Variants in ELSPBP1 observed in about 807,000 individuals in gnomAD.
The protein encoded by ELSPBP1 is epididymal sperm-binding protein 1.
A neutral mutation model predicts 33.3 loss-of-function variants in ELSPBP1; 38 were observed. That is an observed-to-expected ratio of 1.14 (90% CI 0.88 to 1.50). The LOEUF (loss-of-function observed/expected upper bound fraction) is 1.50, where lower values mean the gene tolerates loss of function less well. Among genes scored for constraint, ELSPBP1 ranks in the 40% most tolerant of loss-of-function variants. The pLI, the probability that ELSPBP1 is intolerant of heterozygous loss-of-function variation, is 0.00. For missense variants in ELSPBP1, 267 were observed against 263.5 expected, an observed-to-expected ratio of 1.01 and a Z score of -0.09; for synonymous variants, 85 against 94.1, an observed-to-expected ratio of 0.90 and a Z score of 0.56.
At chr19:48,015,394 G>T (rs1967120677) in intron 3 of ELSPBP1, among the ~76,000 whole-genome samples, 1 of 152,160 alleles carries the variant, frequency 6.6e-6, no homozygotes, top group African/African-American at 2.4e-5. Flanking sequence ...AGTGGCTCAT[G>T]CCTGTAATCC....
chr19:48,024,030 C>G (rs1010853406), intron 6 of ELSPBP1, among the ~76,000 whole-genome samples: 5 of 122,866 alleles, frequency 4.1e-5, no homozygotes, highest in African/African-American at 1.5e-4. Context: ...GCCACCATGC[C>G]CAGCAATTTT....
Position 48,008,507 on chromosome 19 carries a change from T to C in ELSPBP1, c.-17-144T>C, listed in dbSNP as rs938304603. On this transcript the variant is annotated intron_variant, in intron 1 of 6. Coordinates refer to ENST00000339841, the MANE Select transcript of ELSPBP1 (RefSeq NM_022142.5). ...TCTTGGTCTCCCAAAATGCTGGGAT[T>C]ACAGGTGTGAGCTACCATGCCTGGT... The C allele has an allele frequency of 9.8e-6, 6 of 611,222 alleles. No individual in the cohort carries two copies. The Admixed American group carries it at 1.7e-4, about 17-fold the overall frequency. 37.9% of individuals were successfully genotyped at this position (611,222 alleles called of 1,614,324 possible).
intron 2 of ELSPBP1, among the ~76,000 whole-genome samples, chr19:48,010,540 A>T (rs1041963058): frequency 6.6e-6 from 1 of 152,250 alleles, no homozygotes; most frequent in Non-Finnish European, 1.5e-5. Context: ...TAAATGAATT[A>T]TTTTTAAAAA....
At chr19:48,008,899 G>T (rs1967049877) in intron 2 of ELSPBP1, among the ~76,000 whole-genome samples, 162 bp downstream of exon 2, 2 of 152,140 alleles carry the variant, frequency 1.3e-5, no homozygotes, top group African/African-American at 4.8e-5. Context: ...ACTTTGCAGG[G>T]CTGAGGCAGG....
At chr19:48,001,122 C>T (rs1966962917) in intron 1 of ELSPBP1, among the ~76,000 whole-genome samples, 1 of 151,960 alleles carries the variant, frequency 6.6e-6, no homozygotes, top group South Asian at 2.1e-4. Context: ...ATAACTCTAA[C>T]CTCTGCTTTC....
Position 48,015,888 on chromosome 19 carries a change from A to G in ELSPBP1, c.209-5A>G. The G allele has an allele frequency of 1.9e-6, 3 of 1,604,982 alleles. No individual in the cohort carries two copies. The highest frequency in any genetic ancestry group is 2.2e-5 in the East Asian group (1 of 44,618). On this transcript the variant is annotated splice_polypyrimidine_tract_variant and splice_region_variant and intron_variant, in intron 3 of 6. Transcript: ENST00000339841. The stretch of plus-strand genomic sequence containing the variant: ...TAAGACACTCACGAACTCTGTTCCT[A>G]ACAGATTACCCACGCTGTATCTTCC...
intron 1 of ELSPBP1, among the ~76,000 whole-genome samples, chr19:48,008,083 G>A (rs184929249): frequency 2.5e-3 from 373 of 152,222 alleles, no homozygotes; most frequent in South Asian, 0.011. Flanking sequence ...GTACTCACAC[G>A]AACCTAGATG....
rs1408127464 is a variant in ELSPBP1 at position 48,000,312 on chromosome 19, C to G, written c.-18+5501C>G. 2.1e-5 allele frequency among the ~76,000 whole-genome samples: 3 copies of G among 145,016 alleles called. No homozygotes were observed. In the East Asian group the frequency reaches 6.5e-4, roughly 31 times the overall value. ...TGAGCCAAGACTGGCACGATCTTGG[C>G]TCAGTGCAACCTCTGCCTCCTGGGT... On this transcript the variant is annotated intron_variant, in intron 1 of 6. Transcript: ENST00000339841.
intron 6 of ELSPBP1, among the ~76,000 whole-genome samples, chr19:48,024,488 A>G (rs1449816217): frequency 6.6e-6 from 1 of 152,210 alleles, no homozygotes; most frequent in Non-Finnish European, 1.5e-5. Context: ...CTTACAATGC[A>G]TGTGGCTTAT....
chr19:48,017,831 A>G (rs1774528928), intron 4 of ELSPBP1, among the ~76,000 whole-genome samples: 1 of 137,210 alleles, frequency 7.3e-6, no homozygotes, highest in Non-Finnish European at 1.5e-5. Flanking sequence ...CAGGAGTTTG[A>G]GGCTGCAGTG....
Position 48,021,407 on chromosome 19 carries a change from GTT to G in ELSPBP1, c.515-749_515-748del, listed in dbSNP as rs35834626. ...GGGTTTACCCAGATTTTATTTTTTA[GTT>G]TTTTTTTTTTTTTACTTTTTATATT... On this transcript the variant is annotated intron_variant, in intron 5 of 6. Transcript: ENST00000339841. Among the ~76,000 whole-genome samples, 288 of 142,042 alleles carry G rather than the reference GTT, an allele frequency of 2.0e-3. 2 individuals carry two copies. The highest frequency in any genetic ancestry group is 0.014 in the East Asian group (69 of 4,962). 93.2% of individuals were successfully genotyped at this position (142,042 alleles called of 152,430 possible). A position where few individuals can be genotyped will look rare whatever the true frequency, so the allele number is the denominator to read the frequency against.
chr19:48,007,288 T>A (rs1283956066), intron 1 of ELSPBP1, among the ~76,000 whole-genome samples: 1 of 152,124 alleles, frequency 6.6e-6, no homozygotes, highest in Non-Finnish European at 1.5e-5. Flanking sequence ...GACACTAGTA[T>A]AGACAGGCCC....
intron 1 of ELSPBP1, among the ~76,000 whole-genome samples, chr19:47,995,243 T>C (rs1438208762): frequency 6.6e-6 from 1 of 152,134 alleles, no homozygotes; most frequent in Non-Finnish European, 1.5e-5. Context: ...AAGGTGGTCT[T>C]GTGGGTGAGG....
At chr19:48,024,347 C>A (rs10500297) in intron 6 of ELSPBP1, among the ~76,000 whole-genome samples, 7,091 of 152,204 alleles carry the variant, frequency 0.047, 436 homozygotes, top group African/African-American at 0.14. Context: ...CATGGATCAA[C>A]TGACCTCACT....
At chr19:48,002,093 C>T (rs182321887) in intron 1 of ELSPBP1, among the ~76,000 whole-genome samples, 1 of 152,178 alleles carries the variant, frequency 6.6e-6, no homozygotes, top group East Asian at 1.9e-4. Context: ...TTCTACCCAC[C>T]AAGCGTCTAT....
At chr19:48,020,259 G>C (rs1967185488) in intron 5 of ELSPBP1, among the ~76,000 whole-genome samples, 1 of 152,170 alleles carries the variant, frequency 6.6e-6, no homozygotes, top group South Asian at 2.1e-4. Context: ...TGAGGCTGCA[G>C]TGAGCTGTGA....
At chr19:48,007,990 A>G (rs1290654011) in intron 1 of ELSPBP1, among the ~76,000 whole-genome samples, 1 of 152,176 alleles carries the variant, frequency 6.6e-6, no homozygotes. Flanking sequence ...AGGACAGTAC[A>G]TGACAGTAGA....
chr19:47,995,275 C>A (rs1966902490), intron 1 of ELSPBP1, among the ~76,000 whole-genome samples: 2 of 152,104 alleles, frequency 1.3e-5, no homozygotes, highest in South Asian at 4.1e-4. Context: ...TTAATAAACT[C>A]AAAGAAATGG....
intron 4 of ELSPBP1, among the ~76,000 whole-genome samples, chr19:48,017,339 A>T (rs1967153025): frequency 6.6e-6 from 1 of 152,154 alleles, no homozygotes; most frequent in African/African-American, 2.4e-5. Context: ...TTCTAGCCCT[A>T]ATCATCCACC....
Sources: gnomAD v4.1 joint callset for allele counts (sites outside exome capture counted in the v4.1 genomes callset) on GRCh38, gnomAD v4.1.1 for gene constraint, MANE v1.5 for transcripts, NCBI Gene and HGNC (gene_info 2026-07-23, HGNC 2026-07-21) for gene names.